SHANK2: variants seen among roughly 807,000 people sequenced by gnomAD.
SHANK2 encodes the protein SH3 and multiple ankyrin repeat domains 2.
In SHANK2, 43 loss-of-function variants were observed where a neutral mutation model predicts 133.7. The ratio of observed to expected loss-of-function variants is 0.32; its 90% CI spans 0.25 to 0.41. The LOEUF (loss-of-function observed/expected upper bound fraction) is 0.41, where lower values mean the gene tolerates loss of function less well. SHANK2 is among the 10% of genes least tolerant of loss of function. The pLI is 1.00. For missense variants in SHANK2, 1,994 were observed against 2,235.8 expected (o/e 0.89, Z 2.18); for synonymous variants, 1,017 against 952.8 (o/e 1.07, Z -1.24).
At chr11:70,766,036 G>C (rs1487924509) in intron 14 of SHANK2, among the ~76,000 whole-genome samples, 1 of 152,212 alleles carries the variant, frequency 6.6e-6, no homozygotes. Flanking sequence ...CTGGAATAAA[G>C]CCAACAGCTC....
At chr11:71,170,856 A>G (rs1953299532) in intron 2 of SHANK2, among the ~76,000 whole-genome samples, 1 of 152,236 alleles carries the variant, frequency 6.6e-6, no homozygotes, top group South Asian at 2.1e-4. Flanking sequence ...AGGAAATGCG[A>G]TGGTCCTCGT....
chr11:71,058,174 C>T (rs985802756), intron 9 of SHANK2, among the ~76,000 whole-genome samples: 2 of 152,182 alleles, frequency 1.3e-5, no homozygotes, highest in African/African-American at 2.4e-5. Context: ...GGATTACAGG[C>T]GTGAGCCACT....
rs1555158614 is a variant in SHANK2 at position 70,501,907 on chromosome 11, C to T, written c.2287+16G>A. On this transcript the variant is annotated intron_variant, in intron 20 of 25. Transcript: ENST00000601538. ...AGCAGGGGGAGCTGCTTTGGGGACC[C>T]AGTGGGGCTGCTTACCTTTATCCAC... 1 of 1,559,882 alleles carries T rather than the reference C, an allele frequency of 6.4e-7. No individual in the cohort carries two copies. The highest frequency in any genetic ancestry group is 1.9e-5 in the Admixed American group (1 of 52,478).
chr11:70,517,407 T>A (rs983781619), intron 17 of SHANK2, among the ~76,000 whole-genome samples: 3 of 152,230 alleles, frequency 2.0e-5, no homozygotes, highest in African/African-American at 4.8e-5. Context: ...CAAAAACCTG[T>A]ATGCCGAGGT....
At chr11:70,913,410 C>T (rs547381239) in intron 10 of SHANK2, among the ~76,000 whole-genome samples, 6 of 151,596 alleles carry the variant, frequency 4.0e-5, no homozygotes, top group South Asian at 2.1e-4. Context: ...TCAATTCCTC[C>T]GGGAACAAAA....
intron 15 of SHANK2, among the ~76,000 whole-genome samples, chr11:70,693,523 C>T (rs1565246707): frequency 6.6e-6 from 1 of 152,164 alleles, no homozygotes; most frequent in Admixed American, 6.5e-5. Context: ...CGGCATGACC[C>T]AACCTCCCAG....
intron 11 of SHANK2, among the ~76,000 whole-genome samples, chr11:70,874,509 C>A (rs1949524753): frequency 6.6e-6 from 1 of 151,912 alleles, no homozygotes; most frequent in Non-Finnish European, 1.5e-5. Context: ...CTCTGTATGG[C>A]AAAATTATTT....
At chr11:70,570,493 C>T (rs1045027500) in intron 17 of SHANK2, 1 of 152,262 alleles carries the variant, frequency 6.6e-6, no homozygotes, top group African/African-American at 2.4e-5. Context: ...CCAGGGAGGC[C>T]TTGCCCTGAA....
chr11:70,940,601 T>G (rs1950633665), intron 10 of SHANK2, among the ~76,000 whole-genome samples: 1 of 151,968 alleles, frequency 6.6e-6, no homozygotes, highest in Non-Finnish European at 1.5e-5. Flanking sequence ...CATTACCCAG[T>G]GCCCCTCCTC....
At position 71,175,551 on chromosome 11, in the gene SHANK2, GGAGAGAGAGAGA is replaced by G. The variant is rs555218781; in HGVS notation, c.-12-28225_-12-28214del. On this transcript the variant is annotated intron_variant, in intron 2 of 25. Transcript: ENST00000601538. This position sits in a 1 kb window ranked among gnomAD's most constrained non-coding sequence, Gnocchi z 4.2. ...CAGACAGACAGAGGGAGAGGGAGAG[GGAGAGAGAGAGA>G]GAGAGAGAGAGAGAGAGAGAGAGAG... Among the ~76,000 whole-genome samples the G allele has an allele frequency of 0.018, 730 of 40,646 alleles. 11 individuals carry two copies. The highest frequency in any genetic ancestry group is 0.057 in the African/African-American group (694 of 12,216). The allele number at this position is 40,646 out of a possible 152,430, so 26.7% of individuals were successfully genotyped here.
Position 70,490,395 on chromosome 11 carries a change from C to G in SHANK2, c.2440-8G>C. 1 of 1,612,750 alleles carries G rather than the reference C, an allele frequency of 6.2e-7. No individual in the cohort carries two copies. The highest frequency in any genetic ancestry group is 8.5e-7 in the Non-Finnish European group (1 of 1,178,734). ...TTGGCGTTCGTACACAGACTGCAAA[C>G]CAGAGAGCCTAGGGTGAGACGCAGC... On this transcript the variant is annotated splice_region_variant and splice_polypyrimidine_tract_variant and intron_variant, in intron 22 of 25. Coordinates refer to ENST00000601538, the MANE Select transcript of SHANK2 (RefSeq NM_012309.5).
intron 9 of SHANK2, among the ~76,000 whole-genome samples, chr11:71,061,016 G>A (rs1038237455): frequency 2.0e-5 from 3 of 152,196 alleles, no homozygotes; most frequent in African/African-American, 7.2e-5. Context: ...TTCAGCAAAC[G>A]AATCTTTCAT....
chr11:70,792,390 A>G (rs1477702821), intron 14 of SHANK2, among the ~76,000 whole-genome samples: 1 of 132,422 alleles, frequency 7.6e-6, no homozygotes, highest in African/African-American at 2.8e-5. Context: ...CAACCAGCCA[A>G]CCAGCCAACC....
intron 15 of SHANK2, chr11:70,661,927 C>T (rs1944553332): frequency 2.1e-6 from 2 of 958,070 alleles, no homozygotes; most frequent in South Asian, 1.4e-5. Flanking sequence ...CGGAGCCAGC[C>T]GGAGGAAGGA....
chr11:70,907,522 A>G (rs998041888), intron 10 of SHANK2: 1 of 175,116 alleles, frequency 5.7e-6, no homozygotes, highest in African/African-American at 2.4e-5. Context: ...TTCTATGACT[A>G]TCATGAGAAT....
chr11:70,930,120 G>A lies in SHANK2; in HGVS notation c.1108-33553C>T, dbSNP rs114155486. Among the ~76,000 whole-genome samples the A allele has an allele frequency of 3.0e-3, 451 of 152,278 alleles. 1 individual carries two copies. The highest frequency in any genetic ancestry group is 0.01 in the African/African-American group (436 of 41,552). On this transcript the variant is annotated intron_variant, in intron 10 of 25. Coordinates refer to ENST00000601538, the MANE Select transcript of SHANK2 (RefSeq NM_012309.5). ...TTTTTATTTACAAAGATAAGGCTAC[G>A]GGCCAAGTGCAGGACCTACTGTGTA...
chr11:70,652,095 A>G (rs994953580), intron 17 of SHANK2, among the ~76,000 whole-genome samples: 13 of 152,272 alleles, frequency 8.5e-5, no homozygotes, highest in Non-Finnish European at 1.6e-4. Context: ...GCTAGAGGGC[A>G]AAGTGGGCAT....
intron 22 of SHANK2, among the ~76,000 whole-genome samples, 163 bp downstream of exon 22, chr11:70,492,172 A>ACAGACC (rs1393015894): frequency 6.6e-6 from 1 of 152,198 alleles, no homozygotes; most frequent in Non-Finnish European, 1.5e-5. Context: ...GTGAGTCTGC[A>ACAGACC]CAGACCCGGC....
At chr11:70,687,256 G>A (rs1945176460) in intron 15 of SHANK2, among the ~76,000 whole-genome samples, 1 of 152,248 alleles carries the variant, frequency 6.6e-6, no homozygotes, top group African/African-American at 2.4e-5. Context: ...AGGACCCCTG[G>A]CACCTGAACT....
Sources: gnomAD v4.1 joint callset for allele counts (sites outside exome capture counted in the v4.1 genomes callset) on GRCh38, gnomAD v4.1.1 for gene constraint, Gnocchi (gnomAD v3.1) non-coding constraint, MANE v1.5 for transcripts, NCBI Gene and HGNC (gene_info 2026-07-23, HGNC 2026-07-21) for gene names.